Variants in ATP13A4 observed in about 807,000 individuals in gnomAD.
ATP13A4 encodes the protein ATPase 13A4, also known as probable cation-transporting ATPase 13A4.
A neutral mutation model predicts 142.5 loss-of-function variants in ATP13A4; 114 were observed. The observed-to-expected ratio is 0.80, with a 90% CI of 0.69 to 0.93. The LOEUF (loss-of-function observed/expected upper bound fraction) is 0.93, where lower values mean the gene tolerates loss of function less well. Ranked by LOEUF, ATP13A4 falls within the 40% of genes least tolerant of loss-of-function variation. The probability of loss-of-function intolerance (pLI) is 0.00; values close to 1 mark genes in which losing one functional copy is unlikely to be tolerated. For synonymous variants in ATP13A4, 488 were observed against 514.8 expected, an observed-to-expected ratio of 0.95 and a Z score of 0.70; for missense variants, 1,392 against 1,454.0, an observed-to-expected ratio of 0.96 and a Z score of 0.69.
At chr3:193,458,366 A>G (rs933062835) in intron 14 of ATP13A4, among the ~76,000 whole-genome samples, 1 of 152,212 alleles carries the variant, frequency 6.6e-6, no homozygotes, top group African/African-American at 2.4e-5. Context: ...CTTTTACGAG[A>G]AGATTCCAGA....
chr3:193,413,821 T>C lies in ATP13A4; in HGVS notation c.3014+758A>G, dbSNP rs189690753. 2.8e-4 allele frequency among the ~76,000 whole-genome samples: 42 copies of C among 152,344 alleles called. No homozygotes were observed. In the East Asian group the frequency reaches 7.5e-3, roughly 27 times the overall value. ...AAGACAATATATGCACAGCTGAACA[T>C]AGACCTTTATCAGGAGCTTTTGATT... On this transcript the variant is annotated intron_variant, in intron 26 of 29. Transcript: ENST00000342695.
chr3:193,426,516 G>A (rs1050041948), intron 25 of ATP13A4, among the ~76,000 whole-genome samples: 2 of 151,738 alleles, frequency 1.3e-5, no homozygotes, highest in African/African-American at 4.8e-5. Flanking sequence ...TCAGTCCTCA[G>A]ATTTATATGA....
chr3:193,493,157 T>A lies in ATP13A4; in HGVS notation c.385A>T (p.Arg129Ter). 1 of 1,612,308 alleles carries A rather than the reference T, an allele frequency of 6.2e-7. No homozygotes were observed. The highest frequency in any genetic ancestry group is 1.1e-5 in the South Asian group (1 of 91,024). The part of the protein sequence containing the change: ...RAIRKPDLKV[R>*]CIKVQKIRYV... ...CTTATTTTCTGCACTTTGATGCATC[T>A]CACCTGCAAAAGAAAAGTACTAAGA... The change falls in exon 4 of 30, where the codon AGA (arginine) becomes TGA (stop). Residue 129 changes from arginine to a stop codon, truncating the protein, a stop_gained. Coordinates refer to ENST00000342695, the MANE Select transcript of ATP13A4 (RefSeq NM_032279.4). LOFTEE classifies it high-confidence loss of function.
intron 25 of ATP13A4, among the ~76,000 whole-genome samples, chr3:193,429,073 T>C (rs956810240): frequency 1.3e-5 from 2 of 152,052 alleles, no homozygotes; most frequent in Admixed American, 1.3e-4. Flanking sequence ...TTATTAGTCA[T>C]TAGAGAAATG....
intron 16 of ATP13A4, 25 bp from the exon 17 acceptor site, chr3:193,454,237 AG>A: frequency 6.5e-7 from 1 of 1,549,184 alleles, no homozygotes; most frequent in Non-Finnish European, 8.9e-7. Context: ...ACACAGGGTT[AG>A]TACGCAGTTA....
At chr3:193,474,736 G>C (rs1718859639) in intron 8 of ATP13A4, among the ~76,000 whole-genome samples, 1 of 148,698 alleles carries the variant, frequency 6.7e-6, no homozygotes, top group South Asian at 2.1e-4. Flanking sequence ...GAAAGAGAAA[G>C]AAAGAAAGAA....
Position 193,501,587 on chromosome 3 carries a change from T to TAAA in ATP13A4, c.381+903_381+905dup, listed in dbSNP as rs149104526. ...TGGGCAACAAGAGTGAAACTCCATT[T>TAAA]AAAAAAAAAAAAAAAAAGACAACTG... On this transcript the variant is annotated intron_variant, in intron 3 of 29. Transcript: ENST00000342695. Among the ~76,000 whole-genome samples the TAAA allele has an allele frequency of 7.3e-4, 92 of 126,010 alleles. 1 individual carries two copies. Among genetic ancestry groups the TAAA allele is most frequent in the African/African-American group, 2.5e-3 (85 of 34,414 alleles). 82.7% of individuals were successfully genotyped at this position (126,010 alleles called of 152,430 possible).
At chr3:193,414,342 G>T (rs959782266) in intron 26 of ATP13A4, among the ~76,000 whole-genome samples, 2 of 152,154 alleles carry the variant, frequency 1.3e-5, no homozygotes, top group African/African-American at 4.8e-5. Flanking sequence ...ATCAAAGATG[G>T]TCATAGATCA....
intron 8 of ATP13A4, among the ~76,000 whole-genome samples, chr3:193,477,515 G>C (rs913547176): frequency 1.3e-5 from 2 of 151,960 alleles, no homozygotes; most frequent in African/African-American, 2.4e-5. Flanking sequence ...CCAACCAAGA[G>C]AGAATAAAAA....
At chr3:193,520,228 A>C (rs920507526) in intron 1 of ATP13A4, among the ~76,000 whole-genome samples, 1 of 152,158 alleles carries the variant, frequency 6.6e-6, no homozygotes, top group African/African-American at 2.4e-5. Flanking sequence ...AGGGAAGGGA[A>C]GTTAATAAAC....
At chr3:193,575,263 G>A (rs1724367367) in intron 2 of ATP13A4, among the ~76,000 whole-genome samples, 1 of 152,218 alleles carries the variant, frequency 6.6e-6, no homozygotes, top group Non-Finnish European at 1.5e-5. Flanking sequence ...AGGAGCTATA[G>A]TGAGAACTGC....
rs563812391 is a variant in ATP13A4, at chr3:193,510,360, T to A, written c.234+4338A>T. On this transcript the variant is annotated intron_variant, in intron 2 of 29. Transcript: ENST00000342695. Reference sequence around the variant, plus strand: ...GGAAGTGCCTTGAGTCAGGCCGCATTGCTAATCATCACAAAGTTCTCCTCT... The same window carrying A: ...GGAAGTGCCTTGAGTCAGGCCGCATAGCTAATCATCACAAAGTTCTCCTCT... 8.9e-4 allele frequency among the ~76,000 whole-genome samples: 135 copies of A among 152,292 alleles called. 1 individual carries two copies. The South Asian group carries it at 0.011, about 12-fold the overall frequency.
At chr3:193,563,709 G>A (rs1724066878) in intron 2 of ATP13A4, among the ~76,000 whole-genome samples, 1 of 152,110 alleles carries the variant, frequency 6.6e-6, no homozygotes, top group African/African-American at 2.4e-5. Context: ...TACCTAAAAT[G>A]TTGTTTTCTT....
Position 193,412,243 on chromosome 3 carries a change from T to G in ATP13A4, c.3143A>C (p.Asn1048Thr). ...NTTVWFLGTI[N>T]CITVALVFSK... ...GAACACAAGAGCCACAGTGATACAG[T>G]TGATTGTTCCCAAGAACCAGACTGT... Residue 1048 changes from asparagine (N) to threonine (T), a missense_variant, in exon 27 of 30, where the codon AAC becomes ACC. Asn to Thr is a moderately conservative substitution (Grantham distance 65). Coordinates refer to ENST00000342695, the MANE Select transcript of ATP13A4 (RefSeq NM_032279.4). 6.2e-7 allele frequency: 1 copy of G among 1,613,594 alleles called. No individual in the cohort carries two copies. The highest frequency in any genetic ancestry group is 2.2e-5 in the East Asian group (1 of 44,866).
chr3:193,593,063 G>T, exon 1 of ATP13A4: 1 of 368,538 alleles, frequency 2.7e-6, no homozygotes, highest in Non-Finnish European at 4.9e-6. Context: ...GCAAGAGGGC[G>T]GGGCCCCGTG....
intron 1 of ATP13A4, among the ~76,000 whole-genome samples, chr3:193,551,561 C>T (rs1440453940): frequency 1.3e-5 from 2 of 152,222 alleles, no homozygotes; most frequent in African/African-American, 4.8e-5. Flanking sequence ...CAGCTCACAC[C>T]TCGCCAGAAC....
chr3:193,480,146 A>T (rs1719205149), intron 8 of ATP13A4, among the ~76,000 whole-genome samples: 1 of 152,238 alleles, frequency 6.6e-6, no homozygotes. Flanking sequence ...CTAAGACTTG[A>T]TACCATAAAA....
At chr3:193,421,391 A>G (rs1374326258) in intron 25 of ATP13A4, among the ~76,000 whole-genome samples, 1 of 149,672 alleles carries the variant, frequency 6.7e-6, no homozygotes, top group Admixed American at 7.0e-5. Flanking sequence ...TCACCACTAG[A>G]TTTTCCTTAC....
At chr3:193,464,505 GC>G (rs1462936835) in intron 12 of ATP13A4, among the ~76,000 whole-genome samples, 3 of 152,172 alleles carry the variant, frequency 2.0e-5, no homozygotes, top group African/African-American at 7.2e-5. Context: ...TCATAGTAAG[GC>G]ACAGTTTAAT....
Sources: gnomAD v4.1 joint callset for allele counts (sites outside exome capture counted in the v4.1 genomes callset) on GRCh38, gnomAD v4.1.1 for gene constraint, MANE v1.5 for transcripts, NCBI Gene and HGNC (gene_info 2026-07-23, HGNC 2026-07-21) for gene names.